Variants in MLKL observed in about 807,000 individuals in gnomAD.
MLKL encodes the protein mixed lineage kinase domain-like protein.
In MLKL, 55 loss-of-function variants were observed where a neutral mutation model predicts 56.5. The observed-to-expected ratio is 0.97, with a 90% CI of 0.78 to 1.22. The LOEUF (loss-of-function observed/expected upper bound fraction) is 1.22. Among genes scored for constraint, MLKL ranks in the 50% most tolerant of loss-of-function variants. The pLI, the probability that MLKL is intolerant of heterozygous loss-of-function variation, is 0.00. For missense variants in MLKL, 694 were observed against 573.9 expected (o/e 1.21, Z -2.14); for synonymous variants, 251 against 208.3 (o/e 1.20, Z -1.76).
At chr16:74,692,129 G>A (rs1368651667) in intron 3 of MLKL, among the ~76,000 whole-genome samples, 3 of 152,172 alleles carry the variant, frequency 2.0e-5, no homozygotes, top group African/African-American at 4.8e-5. Flanking sequence ...GCTGCTAGAA[G>A]GTATCTTACT....
At chr16:74,687,307 C>A (rs999290567) in intron 4 of MLKL, among the ~76,000 whole-genome samples, 1 of 152,010 alleles carries the variant, frequency 6.6e-6, no homozygotes, top group Non-Finnish European at 1.5e-5. Context: ...TAAATGGAAA[C>A]ACGTCCCATG....
chr16:74,680,099 C>G (rs766607699), intron 6 of MLKL, among the ~76,000 whole-genome samples: 3 of 152,112 alleles, frequency 2.0e-5, no homozygotes, highest in Non-Finnish European at 2.9e-5. Context: ...ATATAAAACT[C>G]GTGGGCACTT....
In MLKL at chr16:74,676,586, T is replaced by C. The variant is rs754515038; in HGVS notation, c.1039-822A>G. ...ATGAAAGGTGGAATAGCGCATCTTATAGTCAGGCTGCATGAAGAGCGTGAG... is the reference window on the plus strand; with the variant it reads ...ATGAAAGGTGGAATAGCGCATCTTACAGTCAGGCTGCATGAAGAGCGTGAG... On this transcript the variant is annotated intron_variant, in intron 7 of 10. Coordinates refer to ENST00000308807, the MANE Select transcript of MLKL (RefSeq NM_152649.4). 1.3e-3 allele frequency: 686 copies of C among 524,406 alleles called. 1 individual carries two copies. Among genetic ancestry groups the C allele is most frequent in the Admixed American group, 2.4e-3 (37 of 15,714 alleles). The allele number at this position is 524,406 out of a possible 1,614,324, so 32.5% of individuals were successfully genotyped here.
chr16:74,672,228 C>T lies in MLKL; in HGVS notation c.*276G>A. The T allele has an allele frequency of 3.0e-6, 1 of 333,186 alleles. No homozygotes were observed. Among genetic ancestry groups the T allele is most frequent in the South Asian group, 6.6e-5 (1 of 15,248 alleles). 20.6% of individuals were successfully genotyped at this position (333,186 alleles called of 1,614,324 possible). ...AGACTTCATTTATGGAAGGGAGGAG[C>T]TGCAAATTTCATTGCCAAGAGGTGT... On this transcript the variant is annotated 3_prime_UTR_variant, in exon 11 of 11. Transcript: ENST00000308807.
intron 2 of MLKL, among the ~76,000 whole-genome samples, chr16:74,693,462 A>AAAAAAG (rs1960801037): frequency 3.1e-5 from 3 of 95,512 alleles, no homozygotes; most frequent in African/African-American, 4.6e-5. Flanking sequence ...TCAAAAAAAA[A>AAAAAAG]AAAAAAGAAA....
Position 74,675,733 on chromosome 16 carries a change from G to C in MLKL, c.1070C>G (p.Thr357Ser), listed in dbSNP as rs766555410. ...TCTCGTAGTTCCCAAACTCATGGAA[G>C]TCTGTGTTTTCCTCAACTCAAATCC... ...LAGFELRKTQTSMSLGTTREK... is the reference protein window; with the variant it reads ...LAGFELRKTQSSMSLGTTREK... The change falls in exon 8 of 11, where the codon ACT becomes AGT. Residue 357 changes from threonine (T) to serine (S), a missense_variant. Thr to Ser is a moderately conservative substitution (Grantham distance 58). Transcript: ENST00000308807. The C allele has an allele frequency of 6.2e-7, 1 of 1,614,150 alleles. No homozygotes were observed. Among genetic ancestry groups the C allele is most frequent in the Non-Finnish European group, 8.5e-7 (1 of 1,180,036 alleles).
intron 2 of MLKL, among the ~76,000 whole-genome samples, chr16:74,695,054 A>T (rs1221646182): frequency 6.6e-6 from 1 of 152,070 alleles, no homozygotes; most frequent in Non-Finnish European, 1.5e-5. Context: ...TTGTATTTTT[A>T]GTAGAGACGG....
In MLKL at chr16:74,695,621, T is replaced by C. The variant is rs751026065; in HGVS notation, c.137A>G (p.Gln46Arg). The change falls in exon 2 of 11, where the codon CAG becomes CGG. Residue 46 changes from glutamine to arginine, a missense_variant. Coordinates refer to ENST00000308807, the MANE Select transcript of MLKL (RefSeq NM_152649.4). The part of the protein sequence containing the change: ...LGLIKPLEML[Q>R]DQGKRSVPSE... ...GGGCACGCTCCTCTTTCCTTGGTCC[T>C]GGAGCATCTCCAGAGGCTTGATCAG... The C allele has an allele frequency of 6.2e-7, 1 of 1,614,236 alleles. No individual in the cohort carries two copies. The highest frequency in any genetic ancestry group is 1.1e-5 in the South Asian group (1 of 91,092).
At chr16:74,697,268 A>T (rs1597519009) in intron 1 of MLKL, among the ~76,000 whole-genome samples, 2 of 151,934 alleles carry the variant, frequency 1.3e-5, no homozygotes, top group Admixed American at 6.6e-5. Context: ...GGTAGAATGG[A>T]AAGGGAGAAA....
At chr16:74,690,363 C>A (rs543968225) in intron 4 of MLKL, among the ~76,000 whole-genome samples, 90 of 152,254 alleles carry the variant, frequency 5.9e-4, no homozygotes, top group South Asian at 1.0e-3. Context: ...ATACACATAT[C>A]CCATGGCCCA....
intron 10 of MLKL, among the ~76,000 whole-genome samples, chr16:74,673,863 C>T (rs1959396472): frequency 6.6e-6 from 1 of 150,986 alleles, no homozygotes; most frequent in Non-Finnish European, 1.5e-5. Flanking sequence ...ATCACTTGAG[C>T]CCAGGAGTTT....
At chr16:74,678,369 T>C (rs1959735080) in intron 7 of MLKL, 1 of 156,918 alleles carries the variant, frequency 6.4e-6, no homozygotes, top group Admixed American at 6.2e-5. Context: ...CCCTGCTAAA[T>C]GGGCAGTGAG....
intron 6 of MLKL, among the ~76,000 whole-genome samples, chr16:74,679,272 C>A (rs927385908): frequency 3.9e-5 from 6 of 152,180 alleles, no homozygotes; most frequent in Non-Finnish European, 5.9e-5. Flanking sequence ...GTTGCTTTGC[C>A]TGGGAAGTGC....
chr16:74,693,493 G>GAAAGAAAGAAAA (rs1960815700), intron 2 of MLKL, among the ~76,000 whole-genome samples: 1 of 138,476 alleles, frequency 7.2e-6, no homozygotes, highest in African/African-American at 2.7e-5. Flanking sequence ...AAGAAAGAAA[G>GAAAGAAAGAAAA]AAAGAAAAGA....
Position 74,682,770 on chromosome 16 carries a change from G to C in MLKL, c.837C>G (p.Phe279Leu). The C allele has an allele frequency of 6.2e-7, 1 of 1,614,080 alleles. No individual in the cohort carries two copies. The highest frequency in any genetic ancestry group is 8.5e-7 in the Non-Finnish European group (1 of 1,180,006). The change falls in exon 6 of 11, where the codon TTC becomes TTG. Residue 279 changes from phenylalanine (F) to leucine (L), a missense_variant. Physicochemically the swap from Phe to Leu is conservative, Grantham distance 22. Transcript: ENST00000308807. ...CIDETVTPPQFSIVMEYCELG... is the reference protein window; with the variant it reads ...CIDETVTPPQLSIVMEYCELG... ...GTTCACAGTACTCCATGACAATGGAGAATTGAGGCGGAGTCACTGGTGGAA... is the reference window on the plus strand; with the variant it reads ...GTTCACAGTACTCCATGACAATGGACAATTGAGGCGGAGTCACTGGTGGAA...
At chr16:74,685,667 G>T (rs761685503) in intron 4 of MLKL, 84 bp from the exon 5 acceptor site, 210 of 1,048,118 alleles carry the variant, frequency 2.0e-4, no homozygotes, top group Non-Finnish European at 2.9e-4. Flanking sequence ...CTCTGTGTAT[G>T]TGGGGGCGGG....
chr16:74,674,471 A>G (rs1391378207), intron 10 of MLKL, among the ~76,000 whole-genome samples: 1 of 148,796 alleles, frequency 6.7e-6, no homozygotes, highest in Non-Finnish European at 1.5e-5. Flanking sequence ...TTTTTTTGAG[A>G]CGGAGTCTTG....
At position 74,693,518 on chromosome 16, in the gene MLKL, G is replaced by A. The variant is rs556755036; in HGVS notation, c.461-1102C>T. On this transcript the variant is annotated intron_variant, in intron 2 of 10. Transcript: ENST00000308807. ...GAAAGAAAAGAAAAAAAAAGTTCTGGTGATGGATGGTCGCGATGGTTTCAG... is the reference window on the plus strand; with the variant it reads ...GAAAGAAAAGAAAAAAAAAGTTCTGATGATGGATGGTCGCGATGGTTTCAG... Among the ~76,000 whole-genome samples the A allele has an allele frequency of 1.5e-4, 22 of 145,488 alleles. No homozygotes were observed. In the South Asian group the frequency reaches 4.5e-3, roughly 30 times the overall value.
At chr16:74,696,004 TG>T (rs1205240061) in intron 1 of MLKL, among the ~76,000 whole-genome samples, 4 of 152,220 alleles carry the variant, frequency 2.6e-5, no homozygotes, top group African/African-American at 7.2e-5. Context: ...TGCAACTTGA[TG>T]TGGCCATGTG....
Sources: gnomAD v4.1 joint callset for allele counts (sites outside exome capture counted in the v4.1 genomes callset) on GRCh38, gnomAD v4.1.1 for gene constraint, MANE v1.5 for transcripts, NCBI Gene and HGNC (gene_info 2026-07-23, HGNC 2026-07-21) for gene names.